Variants in ACCSL observed in about 807,000 individuals in gnomAD.
ACCSL encodes the protein 1-aminocyclopropane-1-carboxylate synthase homolog (inactive) like, also known as probable inactive 1-aminocyclopropane-1-carboxylate synthase-like protein 2.
Under a neutral mutation model 61.7 loss-of-function variants are expected in ACCSL, and 55 were observed. The observed-to-expected ratio is 0.89, with a 90% CI of 0.72 to 1.12. The LOEUF (loss-of-function observed/expected upper bound fraction) is 1.12, where lower values mean the gene tolerates loss of function less well. Among genes scored for constraint, ACCSL ranks in the 50% most tolerant of loss-of-function variants. ACCSL has a pLI of 0.00. For synonymous variants in ACCSL, 258 were observed against 264.3 expected (o/e 0.98, Z 0.23); for missense variants, 632 against 698.0 (o/e 0.91, Z 1.07).
chr11:43,923,227 T>C, the ACCSL span, among the ~76,000 whole-genome samples: 1 of 152,196 alleles, frequency 6.6e-6, no homozygotes, highest in South Asian at 2.1e-4. Context: ...TCAGAGAAAG[T>C]CTTGACAAAC....
the ACCSL span, chr11:43,933,208 C>G: frequency 2.2e-6 from 1 of 455,728 alleles, no homozygotes; most frequent in South Asian, 1.6e-5. Flanking sequence ...GTAGGAGCAG[C>G]GAAACTTCTC....
At chr11:44,027,492 G>C in the ACCSL span, among the ~76,000 whole-genome samples, 1 of 152,200 alleles carries the variant, frequency 6.6e-6, no homozygotes, top group Non-Finnish European at 1.5e-5. Context: ...ATTAGGTAGA[G>C]AGCTTTATAG....
the ACCSL span, among the ~76,000 whole-genome samples, chr11:43,968,008 T>C: frequency 2.0e-5 from 3 of 152,190 alleles, no homozygotes; most frequent in Non-Finnish European, 4.4e-5. Flanking sequence ...TTTAGAGCAG[T>C]GGTTCTCAAC....
the ACCSL span, among the ~76,000 whole-genome samples, chr11:44,010,350 C>G: frequency 2.4e-4 from 37 of 152,162 alleles, no homozygotes; most frequent in Non-Finnish European, 4.9e-4. Flanking sequence ...AAAAAAAAAT[C>G]GTCTCCTTCA....
the ACCSL span, among the ~76,000 whole-genome samples, chr11:44,029,984 ATTTTATTTTATTT>A: frequency 2.4e-4 from 20 of 83,280 alleles, no homozygotes; most frequent in Admixed American, 1.5e-3. Context: ...ATTTTATTTT[ATTTTATTTTATTT>A]TATTTTATTT....
chr11:43,997,262 G>A, the ACCSL span, among the ~76,000 whole-genome samples: 1 of 152,130 alleles, frequency 6.6e-6, no homozygotes, highest in Non-Finnish European at 1.5e-5. Context: ...GCCCCGTCTT[G>A]CTGCTTCACC....
intron 1 of ACCSL, among the ~76,000 whole-genome samples, chr11:44,049,045 A>G (rs1952618756): frequency 1.3e-5 from 2 of 152,142 alleles, no homozygotes; most frequent in South Asian, 4.1e-4. Flanking sequence ...GTGATTGGGA[A>G]AGGAGGTCCA....
At chr11:43,935,941 T>C in the ACCSL span, among the ~76,000 whole-genome samples, 1 of 152,178 alleles carries the variant, frequency 6.6e-6, no homozygotes, top group South Asian at 2.1e-4. Context: ...AAGCCCACAC[T>C]GACCCCTCCC....
the ACCSL span, among the ~76,000 whole-genome samples, chr11:44,036,215 C>T: frequency 2.0e-5 from 3 of 152,334 alleles, no homozygotes; most frequent in South Asian, 4.1e-4. Flanking sequence ...GATCCCCATT[C>T]CAGGTCACCT....
At chr11:43,974,503 C>G in the ACCSL span, among the ~76,000 whole-genome samples, 1 of 152,106 alleles carries the variant, frequency 6.6e-6, no homozygotes, top group African/African-American at 2.4e-5. Flanking sequence ...TTCAAAGACC[C>G]CTTTTCTAAA....
rs1426923542 is a variant in ACCSL at position 44,050,600 on chromosome 11, C to G, written c.613C>G (p.Pro205Ala). ...CATTGAGGACACCTTGCTTCAGTAC[C>G]CTGATTGGAGAGGGCAGCCATTGTA... The part of the protein sequence containing the change: ...NCIEDTLLQY[P>A]DWRGQPFLRE... Residue 205 changes from proline to alanine, a missense_variant, in exon 3 of 14, where the codon CCT (proline) becomes GCT (alanine). Coordinates refer to ENST00000378832, the MANE Select transcript of ACCSL (RefSeq NM_001031854.2). The G allele has an allele frequency of 3.1e-6, 5 of 1,614,008 alleles. No individual in the cohort carries two copies. Among genetic ancestry groups the G allele is most frequent in the Non-Finnish European group, 4.2e-6 (5 of 1,179,996 alleles).
the ACCSL span, among the ~76,000 whole-genome samples, chr11:43,982,382 C>T: frequency 6.6e-6 from 1 of 152,064 alleles, no homozygotes; most frequent in Admixed American, 6.5e-5. Flanking sequence ...CACATACCCC[C>T]ATGCCCGGCT....
chr11:43,924,542 G>A, the ACCSL span, among the ~76,000 whole-genome samples: 4 of 151,840 alleles, frequency 2.6e-5, no homozygotes, highest in South Asian at 2.1e-4. Flanking sequence ...CCTGGAGGCC[G>A]GAGGCCGGAG....
the ACCSL span, among the ~76,000 whole-genome samples, chr11:44,007,686 C>T: frequency 2.0e-5 from 3 of 152,194 alleles, no homozygotes; most frequent in Non-Finnish European, 4.4e-5. Context: ...GGGCACTCAA[C>T]TTCTCTGAGC....
At chr11:43,964,549 T>TA in the ACCSL span, among the ~76,000 whole-genome samples, 1 of 151,804 alleles carries the variant, frequency 6.6e-6, no homozygotes, top group Non-Finnish European at 1.5e-5. Context: ...TTAACATCAG[T>TA]ACACCTCAAA....
the ACCSL span, among the ~76,000 whole-genome samples, chr11:43,972,312 T>C: frequency 6.6e-6 from 1 of 152,204 alleles, no homozygotes; most frequent in East Asian, 1.9e-4. Flanking sequence ...GGTGTACTCA[T>C]GTCACCCACT....
the ACCSL span, among the ~76,000 whole-genome samples, chr11:43,999,233 A>G: frequency 6.6e-6 from 1 of 152,210 alleles, no homozygotes; most frequent in Non-Finnish European, 1.5e-5. Context: ...CTCTAGGCAT[A>G]TCACATGTAT....
the ACCSL span, among the ~76,000 whole-genome samples, chr11:43,927,697 C>A: frequency 6.6e-6 from 1 of 152,208 alleles, no homozygotes; most frequent in South Asian, 2.1e-4. Flanking sequence ...GCTTTGAATA[C>A]ATAATGGAAA....
At chr11:43,937,805 T>C in the ACCSL span, among the ~76,000 whole-genome samples, 100 of 152,246 alleles carry the variant, frequency 6.6e-4, no homozygotes, top group African/African-American at 2.3e-3. Flanking sequence ...TTAGAGTAGT[T>C]TAAAAAGATT....
Sources: gnomAD v4.1 joint callset for allele counts (sites outside exome capture counted in the v4.1 genomes callset) on GRCh38, gnomAD v4.1.1 for gene constraint, MANE v1.5 for transcripts, NCBI Gene and HGNC (gene_info 2026-07-23, HGNC 2026-07-21) for gene names.